The following NOL4 variants were observed in gnomAD, a reference collection of about 807,000 sequenced individuals.
NOL4 encodes cancer/testis antigen 125.
Under a neutral mutation model 75.9 loss-of-function variants are expected in NOL4, and 17 were observed. The ratio of observed to expected loss-of-function variants is 0.22; its 90% CI spans 0.15 to 0.34. NOL4 has a LOEUF of 0.34. NOL4 is among the 10% of genes least tolerant of loss of function. The probability of loss-of-function intolerance (pLI) is 1.00; values close to 1 mark genes in which losing one functional copy is unlikely to be tolerated. For missense variants in NOL4, 614 were observed against 793.5 expected, an observed-to-expected ratio of 0.77 and a Z score of 2.72; for synonymous variants, 292 against 289.9, an observed-to-expected ratio of 1.01 and a Z score of -0.07.
chr18:33,853,001 C>G lies in NOL4; in HGVS notation c.1758G>C (p.Ala586=). ...AGCTGCTGGAGGATCCTGAGCTAGT[C>G]GCCAATTGTCTCTTCATGCTGAGAT... is the stretch of plus-strand genomic sequence containing the variant. The part of the protein sequence containing the change: ...PTDLSMKRQL[A]TSSGSSSSSN... The change falls in exon 11 of 11, where the codon GCG becomes GCC. Residue 586 remains alanine, a synonymous_variant. Coordinates refer to ENST00000261592, the MANE Select transcript of NOL4 (RefSeq NM_003787.5). 1 of 1,612,456 alleles carries G rather than the reference C, an allele frequency of 6.2e-7. No individual in the cohort carries two copies. The highest frequency in any genetic ancestry group is 8.5e-7 in the Non-Finnish European group (1 of 1,179,128).
intron 5 of NOL4, among the ~76,000 whole-genome samples, chr18:34,034,863 G>T (rs1352287459): frequency 6.6e-6 from 1 of 151,854 alleles, no homozygotes; most frequent in Non-Finnish European, 1.5e-5. Context: ...GACAAAGAAG[G>T]TCATTATGTA....
intron 10 of NOL4, among the ~76,000 whole-genome samples, chr18:33,871,174 A>T (rs923839804): frequency 2.0e-5 from 3 of 152,116 alleles, no homozygotes; most frequent in African/African-American, 7.2e-5. Context: ...AGATGTTAGC[A>T]TAATAATTGT....
chr18:34,161,107 A>G (rs866657890), intron 1 of NOL4, among the ~76,000 whole-genome samples: 19 of 152,128 alleles, frequency 1.2e-4, no homozygotes, highest in African/African-American at 4.6e-4. Flanking sequence ...ACTTAACACA[A>G]TGTCCTTCGG....
At chr18:33,937,189 C>G (rs1468698280) in intron 9 of NOL4, among the ~76,000 whole-genome samples, 3 of 152,052 alleles carry the variant, frequency 2.0e-5, no homozygotes, top group Non-Finnish European at 4.4e-5. Flanking sequence ...AAATCTGATT[C>G]CTGATGAAGG....
chr18:34,221,650 T>C (rs2037314439), intron 1 of NOL4: 1 of 164,386 alleles, frequency 6.1e-6, no homozygotes, highest in African/African-American at 2.4e-5. Flanking sequence ...TGTGTTTCCA[T>C]TTCACTTTTA....
intron 6 of NOL4, among the ~76,000 whole-genome samples, chr18:34,007,288 G>T (rs1334618214): frequency 1.3e-5 from 2 of 151,998 alleles, no homozygotes; most frequent in Admixed American, 6.6e-5. Flanking sequence ...TTAGGGCATT[G>T]CTTAGTGTTA....
chr18:33,911,821 G>T (rs577930304), intron 9 of NOL4, among the ~76,000 whole-genome samples: 2 of 152,186 alleles, frequency 1.3e-5, no homozygotes, highest in South Asian at 4.1e-4. Context: ...CAGCAGAGAT[G>T]TATAGCTTTC....
intron 1 of NOL4, among the ~76,000 whole-genome samples, chr18:34,190,899 T>C (rs1358768676): frequency 6.6e-6 from 1 of 152,036 alleles, no homozygotes. Flanking sequence ...GTTTCTGGCT[T>C]AACTATGCAA....
chr18:33,972,621 G>T (rs1053317053), intron 6 of NOL4, among the ~76,000 whole-genome samples: 1 of 152,072 alleles, frequency 6.6e-6, no homozygotes, highest in Non-Finnish European at 1.5e-5. Flanking sequence ...GGTATATACA[G>T]GCATACATTG....
chr18:34,074,708 C>G (rs2077672025), intron 5 of NOL4, among the ~76,000 whole-genome samples: 3 of 151,902 alleles, frequency 2.0e-5, no homozygotes, highest in Non-Finnish European at 2.9e-5. Context: ...CAGATAGATA[C>G]TTTTTTGGAC....
chr18:34,122,231 G>A (rs983668307), intron 2 of NOL4, among the ~76,000 whole-genome samples: 3 of 152,134 alleles, frequency 2.0e-5, no homozygotes, highest in Non-Finnish European at 2.9e-5. Flanking sequence ...ATGGGGAGCA[G>A]AAGAGATAGA....
chr18:34,095,492 C>T (rs1202769450), intron 4 of NOL4, among the ~76,000 whole-genome samples: 5 of 151,996 alleles, frequency 3.3e-5, no homozygotes, highest in Non-Finnish European at 1.5e-5. Context: ...TTCCTAGATT[C>T]AGGTCCATAT....
chr18:33,862,612 A>C (rs1368034193), intron 10 of NOL4, among the ~76,000 whole-genome samples: 1 of 152,256 alleles, frequency 6.6e-6, no homozygotes, highest in Non-Finnish European at 1.5e-5. Context: ...TGGACAAAGG[A>C]CACGAACAGA....
intron 5 of NOL4, among the ~76,000 whole-genome samples, chr18:34,041,080 C>T (rs2076119540): frequency 6.6e-6 from 1 of 151,900 alleles, no homozygotes; most frequent in Non-Finnish European, 1.5e-5. Context: ...ACATATTTTG[C>T]TTTCAATTAC....
intron 9 of NOL4, among the ~76,000 whole-genome samples, chr18:33,930,670 A>G (rs1178208452): frequency 6.6e-6 from 1 of 152,190 alleles, no homozygotes; most frequent in East Asian, 1.9e-4. Context: ...AAACTGATAA[A>G]AGCACACATT....
chr18:33,920,203 C>A (rs73955080), intron 9 of NOL4, among the ~76,000 whole-genome samples: 2,245 of 151,646 alleles, frequency 0.015, 63 homozygotes, highest in African/African-American at 0.051. Context: ...GAGAGAGAGA[C>A]GAGACAGAAG....
chr18:34,054,956 CAT>C (rs1009738506), intron 5 of NOL4, among the ~76,000 whole-genome samples: 38 of 148,770 alleles, frequency 2.6e-4, no homozygotes, highest in African/African-American at 8.3e-4. Flanking sequence ...TTCTATATTG[CAT>C]ATTTCCATAT....
chr18:33,978,726 A>C (rs1394956811), intron 6 of NOL4, among the ~76,000 whole-genome samples: 6 of 152,066 alleles, frequency 3.9e-5, no homozygotes, highest in Non-Finnish European at 4.4e-5. Flanking sequence ...ACCTATGTAC[A>C]TCTTCCTCTG....
At chr18:34,181,357 TA>T (rs1210379345) in intron 1 of NOL4, among the ~76,000 whole-genome samples, 1 of 151,574 alleles carries the variant, frequency 6.6e-6, no homozygotes, top group Non-Finnish European at 1.5e-5. Context: ...CTGTGACTAC[TA>T]GATATGCACA....
Sources: gnomAD v4.1 joint callset for allele counts (sites outside exome capture counted in the v4.1 genomes callset) on GRCh38, gnomAD v4.1.1 for gene constraint, MANE v1.5 for transcripts, NCBI Gene and HGNC (gene_info 2026-07-23, HGNC 2026-07-21) for gene names.